Variants in PFDN1 observed in about 807,000 individuals in gnomAD.
PFDN1 encodes prefoldin 1.
PFDN1 carries 6 observed loss-of-function variants against 17.3 expected under a neutral mutation model. The ratio of observed to expected loss-of-function variants is 0.35; its 90% CI spans 0.19 to 0.69. The LOEUF (loss-of-function observed/expected upper bound fraction) is 0.69, where lower values mean the gene tolerates loss of function less well. Among genes scored for constraint, PFDN1 ranks in the 30% least tolerant of loss-of-function variants. The pLI is 0.65. For synonymous variants in PFDN1, 58 were observed against 50.1 expected (o/e 1.16, Z -0.67); for missense variants, 113 against 146.2 (o/e 0.77, Z 1.17).
chr5:140,289,867 TA>T (rs1186393711), intron 2 of PFDN1, among the ~76,000 whole-genome samples: 1 of 152,178 alleles, frequency 6.6e-6, no homozygotes, highest in African/African-American at 2.4e-5. Context: ...CTTATATTTC[TA>T]ATTTATCACT....
In PFDN1 at chr5:140,265,538, C is replaced by T. The variant is rs564250633; in HGVS notation, c.285+15911G>A. ...TCCAACTGTCTATTCAACATCTCTA[C>T]TTGGGTGTCTAATAGTAATCTCAAA... On this transcript the variant is annotated intron_variant, in intron 3 of 3. Transcript: ENST00000261813. Among the ~76,000 whole-genome samples the T allele has an allele frequency of 3.5e-4, 53 of 152,218 alleles. 1 individual carries two copies. The South Asian group carries it at 0.01, about 29-fold the overall frequency.
intron 3 of PFDN1, among the ~76,000 whole-genome samples, chr5:140,249,723 C>T (rs1406036656): frequency 1.3e-5 from 2 of 152,152 alleles, no homozygotes; most frequent in Non-Finnish European, 2.9e-5. Flanking sequence ...GGGGAGCCAC[C>T]TGTACAGAAA....
chr5:140,302,746 C>A (rs1765766739), intron 1 of PFDN1, among the ~76,000 whole-genome samples: 1 of 152,162 alleles, frequency 6.6e-6, no homozygotes, highest in Admixed American at 6.5e-5. Context: ...GAAAGTGAGT[C>A]CCTGAAGCCT....
chr5:140,262,633 C>T lies in PFDN1; in HGVS notation c.286-16576G>A, dbSNP rs1023055101. On this transcript the variant is annotated intron_variant, in intron 3 of 3. Transcript: ENST00000261813. ...AAGTTGTTGAAAGATATAAACAACACGGTGTTACCTATTGAATACAGGATG... is the reference window on the plus strand; with the variant it reads ...AAGTTGTTGAAAGATATAAACAACATGGTGTTACCTATTGAATACAGGATG... 6.7e-6 allele frequency: 3 copies of T among 445,614 alleles called. No individual in the cohort carries two copies. In the Admixed American group the frequency reaches 7.2e-5, roughly 11 times the overall value. 27.6% of individuals were successfully genotyped at this position (445,614 alleles called of 1,614,324 possible).
At chr5:140,281,889 G>A (rs1765407806) in intron 2 of PFDN1, 1 of 176,062 alleles carries the variant, frequency 5.7e-6, no homozygotes, top group Admixed American at 6.3e-5. Flanking sequence ...AAAAAAGCGG[G>A]GGGGTTGCGG....
chr5:140,288,205 C>T (rs970405667), intron 2 of PFDN1, among the ~76,000 whole-genome samples: 1 of 152,098 alleles, frequency 6.6e-6, no homozygotes, highest in Admixed American at 6.5e-5. Flanking sequence ...TACATCCATA[C>T]AATAGAATAT....
chr5:140,300,365 T>C, intron 2 of PFDN1, 51 bp downstream of exon 2: 1 of 1,350,334 alleles, frequency 7.4e-7, no homozygotes, highest in South Asian at 1.3e-5. Flanking sequence ...TCTATTTAAC[T>C]CGGACAAAAG....
chr5:140,289,140 A>C (rs1032664307), intron 2 of PFDN1, among the ~76,000 whole-genome samples: 2 of 152,028 alleles, frequency 1.3e-5, no homozygotes, highest in African/African-American at 4.8e-5. Flanking sequence ...TTTTTAAATT[A>C]GCTGGGTTTG....
chr5:140,299,534 T>G (rs1465397584), intron 2 of PFDN1, among the ~76,000 whole-genome samples: 1 of 149,896 alleles, frequency 6.7e-6, no homozygotes, highest in African/African-American at 2.5e-5. Context: ...GAGGCGGAGG[T>G]TGCAGTGAGC....
At chr5:140,291,095 T>C (rs1765574265) in intron 2 of PFDN1, among the ~76,000 whole-genome samples, 1 of 152,212 alleles carries the variant, frequency 6.6e-6, no homozygotes, top group East Asian at 1.9e-4. Context: ...AACTGGCAAG[T>C]GCAAAAGACT....
intron 3 of PFDN1, among the ~76,000 whole-genome samples, chr5:140,247,306 T>C (rs545922445): frequency 7.2e-4 from 110 of 151,850 alleles, no homozygotes; most frequent in African/African-American, 2.6e-3. Flanking sequence ...TTTTTTTTTT[T>C]GTAGAAATGA....
chr5:140,300,040 C>G (rs527961009), intron 2 of PFDN1, among the ~76,000 whole-genome samples: 1 of 151,874 alleles, frequency 6.6e-6, no homozygotes, highest in East Asian at 2.0e-4. Flanking sequence ...TACTTTAAAC[C>G]AAAGTTTCTT....
intron 3 of PFDN1, among the ~76,000 whole-genome samples, chr5:140,271,439 A>T (rs1191430844): frequency 6.6e-6 from 1 of 152,230 alleles, no homozygotes; most frequent in Non-Finnish European, 1.5e-5. Context: ...AAGTCAAAAC[A>T]ACGTAGGAAA....
At chr5:140,261,178 A>AAAAG (rs1581084440) in intron 3 of PFDN1, among the ~76,000 whole-genome samples, 1 of 151,616 alleles carries the variant, frequency 6.6e-6, no homozygotes, top group Non-Finnish European at 1.5e-5. Context: ...AAAAAAAAAA[A>AAAAG]AAAGAAAGGA....
At chr5:140,275,341 G>A (rs569525625) in intron 3 of PFDN1, among the ~76,000 whole-genome samples, 1 of 151,748 alleles carries the variant, frequency 6.6e-6, no homozygotes, top group Non-Finnish European at 1.5e-5. Context: ...CCTGGGAGGC[G>A]GAGCCTGCAG....
intron 2 of PFDN1, among the ~76,000 whole-genome samples, chr5:140,284,428 A>G (rs1765455127): frequency 6.6e-6 from 1 of 152,270 alleles, no homozygotes; most frequent in African/African-American, 2.4e-5. Context: ...AAAAGGCTCC[A>G]AGAAACATCT....
chr5:140,288,768 T>C (rs1359559549), intron 2 of PFDN1, among the ~76,000 whole-genome samples: 1 of 151,982 alleles, frequency 6.6e-6, no homozygotes, highest in Non-Finnish European at 1.5e-5. Context: ...GCAGATCACC[T>C]GAGGTCTGTA....
chr5:140,246,164 C>T, intron 3 of PFDN1, 107 bp from the exon 4 acceptor site: 2 of 727,018 alleles, frequency 2.8e-6, no homozygotes, highest in Non-Finnish European at 4.9e-6. Context: ...TGACAGGCAA[C>T]TTTCAGGAGT....
At chr5:140,248,457 G>A (rs527388974) in intron 3 of PFDN1, among the ~76,000 whole-genome samples, 1 of 152,316 alleles carries the variant, frequency 6.6e-6, no homozygotes, top group Non-Finnish European at 1.5e-5. Context: ...TATGTCCACT[G>A]GGTGTCACAA....
Sources: allele counts gnomAD v4.1 joint callset (sites outside exome capture counted in the v4.1 genomes callset), GRCh38; gene constraint gnomAD v4.1.1; transcripts MANE v1.5; gene names NCBI Gene and HGNC (gene_info 2026-07-23, HGNC 2026-07-21).